Variants in COL6A1 observed in about 807,000 individuals in gnomAD.
The protein encoded by COL6A1 is collagen alpha-1(VI) chain.
A neutral mutation model predicts 145.6 loss-of-function variants in COL6A1; 80 were observed. That is an observed-to-expected ratio of 0.55 (90% confidence interval 0.46 to 0.66). The LOEUF (loss-of-function observed/expected upper bound fraction) is 0.66. Among genes scored for constraint, COL6A1 ranks in the 30% least tolerant of loss-of-function variants. The pLI, the probability that COL6A1 is intolerant of heterozygous loss-of-function variation, is 0.00. For missense variants in COL6A1, 1,364 were observed against 1,473.8 expected (o/e 0.93, Z 1.22); for synonymous variants, 638 against 622.8 (o/e 1.02, Z -0.36).
rs938433221 is a variant in COL6A1, at chr21:45,997,782, G to A, written c.1524+20G>A. The A allele has an allele frequency of 8.3e-6, 13 of 1,569,296 alleles. No individual in the cohort carries two copies. The highest frequency in any genetic ancestry group is 1.4e-5 in the African/African-American group (1 of 73,934). The stretch of plus-strand genomic sequence containing the variant: ...GAAAGGGTGAGTGTCCAACAGCTCG[G>A]GCCCTAGGGCGGAGGCCTGGCCGCC... On this transcript the variant is annotated intron_variant, in intron 22 of 34. Coordinates refer to ENST00000361866, the MANE Select transcript of COL6A1 (RefSeq NM_001848.3).
intron 3 of COL6A1, 22 bp from the exon 4 acceptor site, chr21:45,986,504 C>T: frequency 3.9e-6 from 6 of 1,552,372 alleles, no homozygotes; most frequent in Non-Finnish European, 5.2e-6. Flanking sequence ...CTCGAGGTCT[C>T]ACGCTGCCCT....
intron 6 of COL6A1, 50 bp from the exon 7 acceptor site, chr21:45,987,449 G>A (rs556996397): frequency 2.8e-5 from 45 of 1,612,056 alleles, no homozygotes; most frequent in South Asian, 1.8e-4. Flanking sequence ...TGTCCCAGCC[G>A]TATGTCCGTG....
chr21:46,003,444 G>A lies in COL6A1; in HGVS notation c.2518G>A (p.Val840Met), dbSNP rs751124572. 13 of 1,604,684 alleles carry A rather than the reference G, an allele frequency of 8.1e-6. No homozygotes were observed. The highest frequency in any genetic ancestry group is 2.2e-5 in the East Asian group (1 of 44,872). ...CATCCTGCTGGACGGCTCCGCCAGC[G>A]TGGGCAGCCACAACTTTGACACCAC... Reference protein sequence around the residue: ...ITILLDGSASVGSHNFDTTKR... With the variant: ...ITILLDGSASMGSHNFDTTKR... The change falls in exon 35 of 35, where the codon GTG becomes ATG. Residue 840 changes from valine (V) to methionine (M), a missense_variant. Val to Met is a conservative substitution (Grantham distance 21). Coordinates refer to ENST00000361866, the MANE Select transcript of COL6A1 (RefSeq NM_001848.3).
rs572490108 is a variant in COL6A1 at position 45,998,415 on chromosome 21, G to A, written c.1593G>A (p.Arg531=). The change falls in exon 24 of 35, where the codon AGG becomes AGA. Residue 531 remains arginine, a synonymous_variant. Transcript: ENST00000361866. ...FPGFPGYPGN[R]GAPGINGTKG... is the part of the protein sequence containing the mutation. ...CATGACAGGGGTATCCGGGCAACAG[G>A]GGCGCTCCCGGGATAAACGTGAGTA... is the stretch of plus-strand genomic sequence containing the variant. 6.2e-7 allele frequency: 1 copy of A among 1,613,080 alleles called. No homozygotes were observed. Among genetic ancestry groups the A allele is most frequent in the Admixed American group, 1.7e-5 (1 of 60,004 alleles).
At chr21:45,992,297 C>A in intron 17 of COL6A1, 66 bp from the exon 18 acceptor site, 1 of 1,613,310 alleles carries the variant, frequency 6.2e-7, no homozygotes, top group Non-Finnish European at 8.5e-7. Flanking sequence ...GTCTACTCCA[C>A]GTCCCTGAGA....
rs751779784 is a variant in COL6A1 at position 45,992,215 on chromosome 21, G to A, written c.1234G>A (p.Glu412Lys). 37 of 1,613,410 alleles carry A rather than the reference G, an allele frequency of 2.3e-5. No homozygotes were observed. The South Asian group carries it at 2.3e-4, about 10-fold the overall frequency. The change falls in exon 17 of 35, where the codon GAG becomes AAG. Residue 412 changes from glutamate (E) to lysine (K), a missense_variant and splice_region_variant. This residue lies in a region of COL6A1 where 938 missense variants were observed against 1,003.8 expected (regional missense o/e 0.93). Transcript: ENST00000361866. ...CGGAGAGAAAGGAGAGGCGGGCGAC[G>A]AGGTGAGTGAGGGCTCCTGACACCT... ...PPGEKGEAGD[E>K]GNPGPDGAPG... is the part of the protein sequence containing the mutation.
At chr21:45,999,477 T>C (rs2077825725) in intron 26 of COL6A1, 180 bp from the exon 27 acceptor site, 1 of 779,406 alleles carries the variant, frequency 1.3e-6, no homozygotes, top group African/African-American at 1.7e-5. Flanking sequence ...GGACCACCAG[T>C]GTGCGAAGCC....
rs1346763790 is a variant in COL6A1, at chr21:45,991,061, T to C, written c.1119+20T>C. The C allele has an allele frequency of 1.9e-6, 3 of 1,612,570 alleles. No individual in the cohort carries two copies. The highest frequency in any genetic ancestry group is 2.5e-6 in the Non-Finnish European group (3 of 1,179,464). On this transcript the variant is annotated intron_variant, in intron 15 of 34. Transcript: ENST00000361866. Reference sequence around the variant, plus strand: ...GAAAAGGTGAGTGACTTGCGGCCCCTGGAGGACCAGGGCCTTCACGGTTGG... The same window carrying C: ...GAAAAGGTGAGTGACTTGCGGCCCCCGGAGGACCAGGGCCTTCACGGTTGG...
Position 45,981,903 on chromosome 21 carries a change from C to A in COL6A1, c.53C>A (p.Ala18Asp). The A allele has an allele frequency of 6.2e-7, 1 of 1,606,534 alleles. No individual in the cohort carries two copies. The highest frequency in any genetic ancestry group is 1.3e-5 in the African/African-American group (1 of 74,650). ...LPLLLQACWT[A>D]AQDEPETPRA... Reference sequence around the variant, plus strand: ...CTGCTGCTGCAGGCCTGCTGGACAGCCGCGCAGGATGAGCCGGAGACCCCG... The same window carrying A: ...CTGCTGCTGCAGGCCTGCTGGACAGACGCGCAGGATGAGCCGGAGACCCCG... Residue 18 changes from alanine (A) to aspartate (D), a missense_variant, in exon 1 of 35, where the codon GCC becomes GAC. Transcript: ENST00000361866.
intron 28 of COL6A1, 35 bp from the exon 29 acceptor site, chr21:46,000,724 T>G: frequency 1.2e-6 from 2 of 1,613,894 alleles, no homozygotes; most frequent in Non-Finnish European, 1.7e-6. Context: ...GACGCGGCCC[T>G]GACTGGTCTA....
intron 20 of COL6A1, among the ~76,000 whole-genome samples, chr21:45,995,313 C>T (rs1049961970): frequency 2.6e-5 from 4 of 152,210 alleles, no homozygotes; most frequent in South Asian, 2.1e-4. Context: ...TTTGAGCTCC[C>T]GGGGCTCCAG....
chr21:46,003,688 G>A lies in COL6A1; in HGVS notation c.2762G>A (p.Gly921Asp), dbSNP rs1461690720. The change falls in exon 35 of 35, where the codon GGC (glycine) becomes GAC (aspartate). Residue 921 changes from glycine to aspartate, a missense_variant. Physicochemically the swap from Gly to Asp is moderately conservative, Grantham distance 94. Around this residue, in one of 3 missense-constraint regions of COL6A1, gnomAD observed 938 missense variants for 1,003.8 expected, o/e 0.93. Transcript: ENST00000361866. ...NDATDVNDALGYVTRFYREAS... is the reference protein window; with the variant it reads ...NDATDVNDALDYVTRFYREAS... ...GCCACCGACGTCAACGATGCCCTGG[G>A]CTATGTGACCCGCTTCTACCGCGAG... 1 of 1,613,078 alleles carries A rather than the reference G, an allele frequency of 6.2e-7. No individual in the cohort carries two copies. The highest frequency in any genetic ancestry group is 8.5e-7 in the Non-Finnish European group (1 of 1,179,924).
At chr21:46,002,854 C>T (rs186102592) in intron 33 of COL6A1, 144 bp downstream of exon 33, 18 of 1,136,474 alleles carry the variant, frequency 1.6e-5, no homozygotes, top group African/African-American at 3.3e-5. Context: ...CGCCCAGGGC[C>T]GTCCCAGATC....
rs778825805 is a variant in COL6A1, at chr21:45,992,073, G to A, written c.1182+1G>A. On this transcript the variant is annotated splice_donor_variant, in intron 16 of 34. Transcript: ENST00000361866. LOFTEE classifies it high-confidence loss of function. ...GAGCTCGGGACCATCTGGAGACGAG[G>A]TGAGGAGCTTCACAGCCCCCACACA... The A allele has an allele frequency of 1.2e-6, 2 of 1,612,840 alleles. No individual in the cohort carries two copies. Among genetic ancestry groups the A allele is most frequent in the Admixed American group, 1.7e-5 (1 of 59,958 alleles).
chr21:45,988,945 C>T (rs1352279663), intron 8 of COL6A1, 139 bp from the exon 9 acceptor site: 2 of 956,536 alleles, frequency 2.1e-6, no homozygotes, highest in East Asian at 5.3e-5. Flanking sequence ...CCCAGGCTGA[C>T]CAGATGTGAT....
In COL6A1 at chr21:45,981,967, G is replaced by T. The variant is rs114178849; in HGVS notation, c.97+20G>T. The T allele has an allele frequency of 1.3e-6, 2 of 1,567,834 alleles. No individual in the cohort carries two copies. The highest frequency in any genetic ancestry group is 1.7e-6 in the Non-Finnish European group (2 of 1,147,624). On this transcript the variant is annotated intron_variant, in intron 1 of 34. Transcript: ENST00000361866. ...TCCAGGGTGAGTGGTGGCTTGGGGT[G>T]CAGGCTCCAGACCCCCCGCTCTTTG...
At position 45,999,268 on chromosome 21, in the gene COL6A1, C is replaced by T. The variant is rs148205490; in HGVS notation, c.1740+50C>T. 5.4e-3 allele frequency: 8,065 copies of T among 1,504,194 alleles called. 274 individuals are homozygous for T. In the Admixed American group the frequency reaches 0.06, roughly 11 times the overall value. The allele number at this position is 1,504,194 out of a possible 1,614,324, so 93.2% of individuals were successfully genotyped here. On this transcript the variant is annotated intron_variant, in intron 26 of 34. Coordinates refer to ENST00000361866, the MANE Select transcript of COL6A1 (RefSeq NM_001848.3). Reference sequence around the variant, plus strand: ...CCACGGTGGGCTGTGCCTGGGACGCCGGATGCTGGGGCTGGGGAATGCTGG... The same window carrying T: ...CCACGGTGGGCTGTGCCTGGGACGCTGGATGCTGGGGCTGGGGAATGCTGG...
rs2077813854 is a variant in COL6A1, at chr21:45,997,706, A to G, written c.1468A>G (p.Arg490Gly). Reference protein sequence around the residue: ...DEGPPGSEGARGAPGPAGPPG... With the variant: ...DEGPPGSEGAGGAPGPAGPPG... ...GCCTCCTCTTCCTCCTCAGGGTGCCAGAGGAGCCCCAGGACCTGCCGGACC... is the reference window on the plus strand; with the variant it reads ...GCCTCCTCTTCCTCCTCAGGGTGCCGGAGGAGCCCCAGGACCTGCCGGACC... The change falls in exon 22 of 35, where the codon AGA becomes GGA. Residue 490 changes from arginine to glycine, a missense_variant. Transcript: ENST00000361866. 9.4e-6 allele frequency: 15 copies of G among 1,590,898 alleles called. No individual in the cohort carries two copies. Among genetic ancestry groups the G allele is most frequent in the Non-Finnish European group, 1.2e-5 (14 of 1,168,732 alleles).
chr21:45,991,959 C>T, intron 15 of COL6A1, 51 bp from the exon 16 acceptor site: 6 of 1,540,118 alleles, frequency 3.9e-6, no homozygotes, highest in Non-Finnish European at 5.3e-6. Context: ...GATGGCTGCA[C>T]CCCTGGTGCA....
Sources: gnomAD v4.1 joint callset for allele counts (sites outside exome capture counted in the v4.1 genomes callset) on GRCh38, gnomAD v4.1.1 for gene constraint, gnomAD v4.1.1 regional missense constraint, MANE v1.5 for transcripts, NCBI Gene and HGNC (gene_info 2026-07-23, HGNC 2026-07-21) for gene names.